SERPINI2: variants seen among roughly 807,000 people sequenced by gnomAD.
SERPINI2 encodes serpin I2.
Under a neutral mutation model 47.3 loss-of-function variants are expected in SERPINI2, and 48 were observed. The observed-to-expected ratio is 1.02, with a 90% CI of 0.81 to 1.29. The LOEUF (loss-of-function observed/expected upper bound fraction) is 1.29, where lower values mean the gene tolerates loss of function less well. SERPINI2 is among the 50% of genes most tolerant of loss of function. The probability of loss-of-function intolerance (pLI) is 0.00; values close to 1 mark genes in which losing one functional copy is unlikely to be tolerated. For missense variants in SERPINI2, 448 were observed against 456.9 expected (o/e 0.98, Z 0.18); for synonymous variants, 135 against 149.3 (o/e 0.90, Z 0.70).
At chr3:167,461,873 G>GC (rs956179921) in intron 5 of SERPINI2, among the ~76,000 whole-genome samples, 2 of 150,224 alleles carry the variant, frequency 1.3e-5, no homozygotes, top group East Asian at 2.0e-4. Flanking sequence ...TCCTGCCTTG[G>GC]CCCCCCAAAG....
At chr3:167,458,506 C>T (rs1749876274) in intron 5 of SERPINI2, among the ~76,000 whole-genome samples, 1 of 151,476 alleles carries the variant, frequency 6.6e-6, no homozygotes, top group Non-Finnish European at 1.5e-5. Context: ...TCGTGATCTG[C>T]CCACCTCGGC....
chr3:167,453,034 C>T lies in SERPINI2; in HGVS notation c.867-1G>A. Reference sequence around the variant, plus strand: ...GTCTACTTTTTGTTCTACTTTAAATCTGTTATTAAAAAAAAAAGAAAAAGA... The same window carrying T: ...GTCTACTTTTTGTTCTACTTTAAATTTGTTATTAAAAAAAAAAGAAAAAGA... On this transcript the variant is annotated splice_acceptor_variant, in intron 5 of 8. Coordinates refer to ENST00000264677, the Ensembl canonical transcript of SERPINI2. LOFTEE classifies it high-confidence loss of function. The T allele has an allele frequency of 1.3e-6, 2 of 1,500,860 alleles. No homozygotes were observed. Among genetic ancestry groups the T allele is most frequent in the Non-Finnish European group, 1.8e-6 (2 of 1,104,894 alleles). 93.0% of individuals were successfully genotyped at this position (1,500,860 alleles called of 1,614,324 possible).
exon 2 of SERPINI2, chr3:167,471,607 T>C (rs139710300): frequency 1.9e-6 from 3 of 1,613,436 alleles, no homozygotes; most frequent in African/African-American, 2.7e-5. Flanking sequence ...TTTCCTGTTG[T>C]TTTAAAGTTT....
At chr3:167,472,659 T>A (rs1239124532) in intron 1 of SERPINI2, among the ~76,000 whole-genome samples, 1 of 151,694 alleles carries the variant, frequency 6.6e-6, no homozygotes, top group Non-Finnish European at 1.5e-5. Flanking sequence ...ATCAAAGAAT[T>A]GACAGAAATA....
rs762818857 is a variant in SERPINI2 at position 167,446,382 on chromosome 3, A to G, written c.1141+10T>C. On this transcript the variant is annotated intron_variant, in intron 8 of 8. Transcript: ENST00000264677. ...AATCAGTTCCCCCAAATAATTCTCAAAAAAGGTACCTGTTGGATTATGCTT... is the reference window on the plus strand; with the variant it reads ...AATCAGTTCCCCCAAATAATTCTCAGAAAAGGTACCTGTTGGATTATGCTT... The G allele has an allele frequency of 2.5e-6, 4 of 1,577,604 alleles. No homozygotes were observed. The highest frequency in any genetic ancestry group is 1.1e-5 in the South Asian group (1 of 87,506).
intron 5 of SERPINI2, among the ~76,000 whole-genome samples, chr3:167,461,388 G>A (rs1749976888): frequency 6.6e-6 from 1 of 152,168 alleles, no homozygotes; most frequent in Admixed American, 6.5e-5. Context: ...TATGGAAATG[G>A]GGAATACAAC....
At chr3:167,455,248 C>T (rs565296699) in intron 5 of SERPINI2, among the ~76,000 whole-genome samples, 1 of 152,274 alleles carries the variant, frequency 6.6e-6, no homozygotes, top group East Asian at 1.9e-4. Context: ...GAATTTTTAG[C>T]ATATGCAAAT....
chr3:167,470,005 A>G (rs1033123559), intron 2 of SERPINI2, among the ~76,000 whole-genome samples: 1 of 152,202 alleles, frequency 6.6e-6, no homozygotes, highest in African/African-American at 2.4e-5. Flanking sequence ...ATAGTGCGTT[A>G]TTACTATTAC....
At chr3:167,444,328 T>TA (rs1287368986) in intron 8 of SERPINI2, among the ~76,000 whole-genome samples, 1 of 152,168 alleles carries the variant, frequency 6.6e-6, no homozygotes, top group Non-Finnish European at 1.5e-5. Context: ...TACTGCAATA[T>TA]AAAATTCATC....
intron 7 of SERPINI2, 95 bp from the exon 8 acceptor site, chr3:167,446,576 T>C: frequency 1.3e-6 from 1 of 793,672 alleles, no homozygotes; most frequent in Non-Finnish European, 2.0e-6. Flanking sequence ...GGAAAAGTCA[T>C]TTTGTGTAAG....
intron 6 of SERPINI2, among the ~76,000 whole-genome samples, chr3:167,451,566 T>A (rs1263518932): frequency 6.6e-6 from 1 of 152,244 alleles, no homozygotes. Context: ...ACAGCTCAAA[T>A]AGGTAACTCA....
At chr3:167,453,097 T>G in intron 5 of SERPINI2, 64 bp from the exon 6 acceptor site, 1 of 815,098 alleles carries the variant, frequency 1.2e-6, no homozygotes, top group Non-Finnish European at 2.0e-6. Flanking sequence ...CTACCAATTT[T>G]TTAATGGATG....
Position 167,471,174 on chromosome 3 carries a change from T to C in SERPINI2, c.247+414A>G, listed in dbSNP as rs6774400. Among the ~76,000 whole-genome samples the C allele has an allele frequency of 4.6e-3, 699 of 152,246 alleles. 6 individuals carry two copies. Among genetic ancestry groups the C allele is most frequent in the Middle Eastern group, 0.024 (7 of 294 alleles). On this transcript the variant is annotated intron_variant, in intron 2 of 8. Coordinates refer to ENST00000264677, the Ensembl canonical transcript of SERPINI2. The stretch of plus-strand genomic sequence containing the variant: ...AATAAGATACAGTAATTAAAAATCA[T>C]ATTTTGAATCAGTTCCATGACATGG...
chr3:167,455,537 GA>G (rs1749761142), intron 5 of SERPINI2, among the ~76,000 whole-genome samples: 1 of 144,466 alleles, frequency 6.9e-6, no homozygotes, highest in Non-Finnish European at 1.5e-5. Flanking sequence ...CAGTGGGCTT[GA>G]ATCATTCTTG....
At chr3:167,464,890 C>T (rs545552831) in intron 5 of SERPINI2, among the ~76,000 whole-genome samples, 112 of 151,906 alleles carry the variant, frequency 7.4e-4, no homozygotes, top group Non-Finnish European at 1.4e-3. Context: ...AAATTCCAGT[C>T]AGGAAAAAAG....
At chr3:167,446,357 A>G (rs1446812561) in intron 8 of SERPINI2, 35 bp downstream of exon 8, 2 of 1,401,958 alleles carry the variant, frequency 1.4e-6, no homozygotes, top group Non-Finnish European at 2.0e-6. Context: ...TGCTTAACAT[A>G]ATCAGTTCCC....
intron 6 of SERPINI2, among the ~76,000 whole-genome samples, chr3:167,451,350 T>C (rs1749635553): frequency 6.6e-6 from 1 of 152,188 alleles, no homozygotes; most frequent in Non-Finnish European, 1.5e-5. Flanking sequence ...GTGAACTATA[T>C]AAATATAAGG....
chr3:167,461,317 G>A (rs1749975320), intron 5 of SERPINI2, among the ~76,000 whole-genome samples: 1 of 152,176 alleles, frequency 6.6e-6, no homozygotes, highest in African/African-American at 2.4e-5. Flanking sequence ...ATAGAAGTAT[G>A]TAATGAGATA....
At chr3:167,466,622 A>G (rs914949878) in intron 3 of SERPINI2, among the ~76,000 whole-genome samples, 1 of 152,166 alleles carries the variant, frequency 6.6e-6, no homozygotes, top group Non-Finnish European at 1.5e-5. Flanking sequence ...TATGATAGAA[A>G]TATTAACATT....
Sources: gnomAD v4.1 joint callset for allele counts (sites outside exome capture counted in the v4.1 genomes callset) on GRCh38, gnomAD v4.1.1 for gene constraint, MANE v1.5 for transcripts, NCBI Gene and HGNC (gene_info 2026-07-23, HGNC 2026-07-21) for gene names.